OPCML: variants seen among roughly 807,000 people sequenced by gnomAD.
OPCML encodes the protein opioid-binding protein/cell adhesion molecule.
In OPCML, 13 loss-of-function variants were observed where a neutral mutation model predicts 37.8. That is an observed-to-expected ratio of 0.34 (90% CI 0.22 to 0.55). The LOEUF (loss-of-function observed/expected upper bound fraction) is 0.55, where lower values mean the gene tolerates loss of function less well. OPCML is among the 20% of genes least tolerant of loss of function. OPCML has a pLI of 0.91. For synonymous variants in OPCML, 176 were observed against 168.8 expected, an observed-to-expected ratio of 1.04 and a Z score of -0.33; for missense variants, 341 against 435.6, an observed-to-expected ratio of 0.78 and a Z score of 1.93.
Position 132,428,128 on chromosome 11 carries a change from T to C in OPCML, c.917-7835A>G, listed in dbSNP as rs576644752. Among the ~76,000 whole-genome samples the C allele has an allele frequency of 5.9e-5, 9 of 152,306 alleles. No homozygotes were observed. In the South Asian group the frequency reaches 1.9e-3, roughly 32 times the overall value. On this transcript the variant is annotated intron_variant, in intron 7 of 7. Transcript: ENST00000524381. ...AAACAGAGAATTGGAATATGTGGTA[T>C]AGCCTCCTTCAAAAGGGAGATCTGG... is the stretch of plus-strand genomic sequence containing the variant.
At chr11:133,069,490 G>T (rs985786722) in intron 1 of OPCML, among the ~76,000 whole-genome samples, 3 of 152,160 alleles carry the variant, frequency 2.0e-5, no homozygotes, top group Admixed American at 1.3e-4. Flanking sequence ...GTGCAGGGGC[G>T]AGTGGCAATT....
intron 2 of OPCML, among the ~76,000 whole-genome samples, chr11:132,796,807 T>C (rs982092234): frequency 2.0e-5 from 3 of 152,124 alleles, no homozygotes; most frequent in East Asian, 1.9e-4. Context: ...CTCAATCTCC[T>C]GACCTCGTGA....
chr11:132,745,827 T>C (rs796664354), intron 2 of OPCML, among the ~76,000 whole-genome samples: 10 of 152,256 alleles, frequency 6.6e-5, no homozygotes, highest in African/African-American at 2.4e-4. Context: ...GCTCCATGAC[T>C]GGGATAGAGT....
At chr11:133,002,060 T>C (rs1947015812) in intron 1 of OPCML, among the ~76,000 whole-genome samples, 1 of 152,198 alleles carries the variant, frequency 6.6e-6, no homozygotes, top group Non-Finnish European at 1.5e-5. Context: ...ATAGGTCAGA[T>C]GGTTAGACTG....
intron 1 of OPCML, among the ~76,000 whole-genome samples, chr11:133,116,975 T>C (rs1409373992): frequency 6.6e-6 from 1 of 152,136 alleles, no homozygotes; most frequent in Non-Finnish European, 1.5e-5. Context: ...CTGTAGAAGA[T>C]ATTTTTTCCT....
intron 1 of OPCML, among the ~76,000 whole-genome samples, chr11:133,343,822 C>T (rs1333645265): frequency 1.3e-5 from 2 of 152,156 alleles, no homozygotes; most frequent in South Asian, 2.1e-4. Context: ...ACCACATCTT[C>T]CCAAAATAGC....
At chr11:132,648,415 C>T (rs185734106) in intron 3 of OPCML, among the ~76,000 whole-genome samples, 72 of 152,290 alleles carry the variant, frequency 4.7e-4, no homozygotes, top group Non-Finnish European at 8.7e-4. Flanking sequence ...CCTTCCATCT[C>T]CACATCAGTG....
chr11:133,342,907 AT>A (rs1157700458), intron 1 of OPCML, among the ~76,000 whole-genome samples: 1 of 152,110 alleles, frequency 6.6e-6, no homozygotes, highest in Non-Finnish European at 1.5e-5. Flanking sequence ...GAGGTGATAG[AT>A]TTCTTTTCTT....
In OPCML at chr11:132,460,615, G is replaced by GA. The variant is rs376808497; in HGVS notation, c.506-23257dup. Among the ~76,000 whole-genome samples the GA allele has an allele frequency of 5.4e-3, 819 of 152,180 alleles. 3 individuals are homozygous for GA. Among genetic ancestry groups the GA allele is most frequent in the African/African-American group, 0.018 (764 of 41,524 alleles). ...GTATCTTGATGGCAAAGAAGAATAA[G>GA]AAAAAAATATAGAAAGTATTCAAAA... is the stretch of plus-strand genomic sequence containing the variant. On this transcript the variant is annotated intron_variant, in intron 4 of 7. Transcript: ENST00000524381.
intron 1 of OPCML, among the ~76,000 whole-genome samples, chr11:133,132,411 C>CCT (rs1222982648): frequency 6.6e-6 from 1 of 152,144 alleles, no homozygotes; most frequent in Admixed American, 6.5e-5. Context: ...AGGACTCTGT[C>CCT]CTCTCATACA....
chr11:133,475,761 C>T lies in OPCML; in HGVS notation c.61+56503G>A, dbSNP rs779621792. Reference sequence around the variant, plus strand: ...ACCCAGCGTATTACAGAAAGCCCAGCGTGGATGGCGGATTAGGTGGCTGAG... The same window carrying T: ...ACCCAGCGTATTACAGAAAGCCCAGTGTGGATGGCGGATTAGGTGGCTGAG... On this transcript the variant is annotated intron_variant, in intron 1 of 7. Coordinates refer to ENST00000524381, the MANE Select transcript of OPCML (RefSeq NM_001012393.5). 4.6e-5 allele frequency among the ~76,000 whole-genome samples: 7 copies of T among 152,258 alleles called. No individual in the cohort carries two copies. In the South Asian group the frequency reaches 6.2e-4, roughly 14 times the overall value.
At chr11:132,669,650 C>T (rs955611446) in intron 2 of OPCML, among the ~76,000 whole-genome samples, 8 of 152,182 alleles carry the variant, frequency 5.3e-5, no homozygotes, top group East Asian at 1.9e-4. Flanking sequence ...CTTCTTCCAT[C>T]GTGACTCACT....
chr11:133,193,817 G>GAGAT (rs1454719103), intron 1 of OPCML, among the ~76,000 whole-genome samples: 3 of 152,094 alleles, frequency 2.0e-5, no homozygotes, highest in African/African-American at 7.2e-5. Flanking sequence ...TCCTTGAGGG[G>GAGAT]AGATAATGCA....
At chr11:133,026,769 G>A (rs142153325) in intron 1 of OPCML, among the ~76,000 whole-genome samples, 1 of 152,086 alleles carries the variant, frequency 6.6e-6, no homozygotes, top group Admixed American at 6.5e-5. Context: ...TATGACAACT[G>A]TATATGATGC....
rs376678720 is a variant in OPCML, at chr11:132,487,691, C to G, written c.505+41370G>C. On this transcript the variant is annotated intron_variant, in intron 4 of 7. Coordinates refer to ENST00000524381, the MANE Select transcript of OPCML (RefSeq NM_001012393.5). ...AGGAAATATTCCCTGATCTTATTAC[C>G]TGGCCAGATAGAGTCACAGAAATGC... is the stretch of plus-strand genomic sequence containing the variant. Among the ~76,000 whole-genome samples the G allele has an allele frequency of 9.1e-4, 138 of 152,224 alleles. 1 individual carries two copies. Among genetic ancestry groups the G allele is most frequent in the African/African-American group, 3.1e-3 (130 of 41,546 alleles).
At chr11:133,508,176 T>C (rs1565674144) in intron 1 of OPCML, among the ~76,000 whole-genome samples, 1 of 152,120 alleles carries the variant, frequency 6.6e-6, no homozygotes, top group Non-Finnish European at 1.5e-5. Flanking sequence ...TTGAGAGCCA[T>C]TGCTCTGGGA....
rs576430243 is a variant in OPCML, at chr11:132,877,773, C to T, written c.146+65153G>A. 1.3e-3 allele frequency among the ~76,000 whole-genome samples: 200 copies of T among 152,308 alleles called. 1 individual carries two copies. The highest frequency in any genetic ancestry group is 4.7e-3 in the African/African-American group (194 of 41,576). On this transcript the variant is annotated intron_variant, in intron 2 of 7. Transcript: ENST00000524381. ...GTCTCCAAGCTGGGGTCATGCAAAA[C>T]AGCTTTTCCTCAAACAGACTGAAGA...
At chr11:132,642,630 C>A (rs1260418851) in intron 3 of OPCML, among the ~76,000 whole-genome samples, 1 of 152,198 alleles carries the variant, frequency 6.6e-6, no homozygotes, top group African/African-American at 2.4e-5. Context: ...ATCTCAGAAG[C>A]ATTTTCAGGA....
At chr11:132,970,659 C>T (rs538277118) in intron 1 of OPCML, among the ~76,000 whole-genome samples, 1 of 152,262 alleles carries the variant, frequency 6.6e-6, no homozygotes, top group East Asian at 1.9e-4. Flanking sequence ...CATAAACCCT[C>T]ATTTCAGTCA....
Sources: gnomAD v4.1 joint callset for allele counts (sites outside exome capture counted in the v4.1 genomes callset) on GRCh38, gnomAD v4.1.1 for gene constraint, MANE v1.5 for transcripts, NCBI Gene and HGNC (gene_info 2026-07-23, HGNC 2026-07-21) for gene names.